CNTNAP5: variants seen among roughly 807,000 people sequenced by gnomAD.
The protein encoded by CNTNAP5 is contactin associated protein family member 5, also known as contactin-associated protein-like 5.
CNTNAP5 carries 72 observed loss-of-function variants against 150.2 expected under a neutral mutation model. The ratio of observed to expected loss-of-function variants is 0.48; its 90% CI spans 0.40 to 0.58. The LOEUF (loss-of-function observed/expected upper bound fraction) is 0.58. Among genes scored for constraint, CNTNAP5 ranks in the 20% least tolerant of loss-of-function variants. The probability of loss-of-function intolerance (pLI) is 0.00; values close to 1 mark genes in which losing one functional copy is unlikely to be tolerated. For synonymous variants in CNTNAP5, 672 were observed against 619.8 expected (o/e 1.08, Z -1.25); for missense variants, 1,636 against 1,626.2 (o/e 1.01, Z -0.10).
chr2:124,291,698 A>G (rs1471703905), intron 3 of CNTNAP5, among the ~76,000 whole-genome samples: 1 of 152,186 alleles, frequency 6.6e-6, no homozygotes, highest in African/African-American at 2.4e-5. Context: ...ATGCCTTGAA[A>G]TGGCCTTCAA....
intron 3 of CNTNAP5, among the ~76,000 whole-genome samples, chr2:124,319,965 C>T (rs1369377682): frequency 6.6e-6 from 1 of 152,088 alleles, no homozygotes; most frequent in East Asian, 1.9e-4. Flanking sequence ...AGATTGTATC[C>T]CTTCTCTACT....
intron 10 of CNTNAP5, among the ~76,000 whole-genome samples, chr2:124,533,666 G>T (rs917359105): frequency 6.6e-6 from 1 of 152,152 alleles, no homozygotes. Flanking sequence ...AGCCCAAGGG[G>T]TGCTGCAGGA....
At chr2:124,592,015 T>G (rs1405611464) in intron 11 of CNTNAP5, among the ~76,000 whole-genome samples, 1 of 152,170 alleles carries the variant, frequency 6.6e-6, no homozygotes, top group Non-Finnish European at 1.5e-5. Context: ...CATAGCTATA[T>G]ATTCAGAAGC....
intron 12 of CNTNAP5, among the ~76,000 whole-genome samples, chr2:124,628,005 C>A (rs1166014235): frequency 6.6e-6 from 1 of 152,012 alleles, no homozygotes; most frequent in African/African-American, 2.4e-5. Context: ...GGCAGGCCAA[C>A]AAGATTAGAG....
At chr2:124,373,308 C>T (rs1690573436) in intron 3 of CNTNAP5, among the ~76,000 whole-genome samples, 1 of 152,122 alleles carries the variant, frequency 6.6e-6, no homozygotes, top group Admixed American at 6.6e-5. Flanking sequence ...AGCACTGATT[C>T]TCATCCATTG....
At chr2:124,544,351 G>A (rs1292413498) in intron 10 of CNTNAP5, among the ~76,000 whole-genome samples, 1 of 152,150 alleles carries the variant, frequency 6.6e-6, no homozygotes, top group Non-Finnish European at 1.5e-5. Context: ...ACTAAATTAA[G>A]ACTTCCTAAC....
intron 1 of CNTNAP5, among the ~76,000 whole-genome samples, chr2:124,057,909 C>G (rs531946275): frequency 9.2e-5 from 14 of 152,128 alleles, no homozygotes; most frequent in African/African-American, 3.4e-4. Flanking sequence ...TCATTATGCA[C>G]TATATGCTTG....
chr2:124,337,312 T>C (rs1689497506), intron 3 of CNTNAP5, among the ~76,000 whole-genome samples: 1 of 152,070 alleles, frequency 6.6e-6, no homozygotes, highest in Non-Finnish European at 1.5e-5. Flanking sequence ...TTTTCTCCCA[T>C]TTTTGTAGGT....
intron 10 of CNTNAP5, among the ~76,000 whole-genome samples, chr2:124,562,462 A>G (rs1695914027): frequency 6.6e-6 from 1 of 152,188 alleles, no homozygotes; most frequent in Non-Finnish European, 1.5e-5. Flanking sequence ...TTGATTCACC[A>G]TTATGAATGG....
intron 17 of CNTNAP5, among the ~76,000 whole-genome samples, chr2:124,786,398 A>AGAAAGAAGGAAGGAAGGAAGGAAG (rs1553442119): frequency 2.2e-5 from 1 of 45,156 alleles, no homozygotes; most frequent in Non-Finnish European, 4.1e-5. Flanking sequence ...AAAGAAAGAA[A>AGAAAGAAGGAAGGAAGGAAGGAAG]GAAGGAAGGA....
intron 17 of CNTNAP5, 150 bp downstream of exon 17, chr2:124,773,167 C>T (rs1216264307): frequency 5.8e-6 from 4 of 687,820 alleles, no homozygotes; most frequent in Non-Finnish European, 1.0e-5. Context: ...TCTATACATT[C>T]TTTTATTCTG....
chr2:124,585,017 G>C (rs1696496097), intron 11 of CNTNAP5, among the ~76,000 whole-genome samples: 1 of 152,172 alleles, frequency 6.6e-6, no homozygotes, highest in South Asian at 2.1e-4. Context: ...TTGTTAGCAG[G>C]CTCTTTCCCC....
chr2:124,245,215 T>A (rs974715310), intron 3 of CNTNAP5, among the ~76,000 whole-genome samples: 2 of 152,146 alleles, frequency 1.3e-5, no homozygotes, highest in Non-Finnish European at 2.9e-5. Flanking sequence ...TAAATAGTGC[T>A]TGGACTCTCT....
chr2:124,827,993 C>A (rs547535336), intron 19 of CNTNAP5, among the ~76,000 whole-genome samples: 1 of 152,282 alleles, frequency 6.6e-6, no homozygotes, highest in South Asian at 2.1e-4. Flanking sequence ...CAGCTCCAAG[C>A]TGCTCTTCCT....
chr2:124,243,941 C>T (rs1382301823), intron 3 of CNTNAP5, among the ~76,000 whole-genome samples: 2 of 152,044 alleles, frequency 1.3e-5, no homozygotes, highest in East Asian at 1.9e-4. Context: ...ATAAGCACAC[C>T]TTCCATTTTG....
At chr2:124,782,555 A>C (rs998432324) in intron 17 of CNTNAP5, among the ~76,000 whole-genome samples, 2 of 152,248 alleles carry the variant, frequency 1.3e-5, no homozygotes, top group Non-Finnish European at 2.9e-5. Flanking sequence ...GATTTCCAAT[A>C]AGTATCCCAG....
At chr2:124,453,795 G>A (rs1693047164) in intron 6 of CNTNAP5, among the ~76,000 whole-genome samples, 1 of 152,046 alleles carries the variant, frequency 6.6e-6, no homozygotes, top group Non-Finnish European at 1.5e-5. Flanking sequence ...CTTCATAAAT[G>A]AAGGAAAGAT....
At chr2:124,286,051 CA>C (rs1175867738) in intron 3 of CNTNAP5, among the ~76,000 whole-genome samples, 1 of 152,144 alleles carries the variant, frequency 6.6e-6, no homozygotes, top group African/African-American at 2.4e-5. Context: ...CATTATACAG[CA>C]TGTGTTTTAA....
At position 124,920,361 on chromosome 2, in the gene CNTNAP5, A is replaced by G. The variant is rs72965827; in HGVS notation, c.*6073A>G. Among the ~76,000 whole-genome samples the G allele has an allele frequency of 0.031, 4,795 of 152,232 alleles. 277 individuals are homozygous for G. Among genetic ancestry groups the G allele is most frequent in the African/African-American group, 0.11 (4,486 of 41,544 alleles). Reference sequence around the variant, plus strand: ...CCTTGAAGGGAAAATATTAACGGGCATCAGCCTGGGCATACTTTCCCATCA... The same window carrying G: ...CCTTGAAGGGAAAATATTAACGGGCGTCAGCCTGGGCATACTTTCCCATCA... On this transcript the variant is annotated 3_prime_UTR_variant, in exon 24 of 24. Transcript: ENST00000682447.
Sources: allele counts gnomAD v4.1 joint callset (sites outside exome capture counted in the v4.1 genomes callset), GRCh38; gene constraint gnomAD v4.1.1; transcripts MANE v1.5; gene names NCBI Gene and HGNC (gene_info 2026-07-23, HGNC 2026-07-21).